FREM1: variants seen among roughly 807,000 people sequenced by gnomAD.
FREM1 encodes the protein FRAS1 related extracellular matrix 1, also known as FRAS1-related extracellular matrix protein 1.
A neutral mutation model predicts 210.1 loss-of-function variants in FREM1; 220 were observed. The observed-to-expected ratio is 1.05, with a 90% CI of 0.94 to 1.17. The LOEUF (loss-of-function observed/expected upper bound fraction) is 1.17. Among genes scored for constraint, FREM1 ranks in the 50% most tolerant of loss-of-function variants. The pLI, the probability that FREM1 is intolerant of heterozygous loss-of-function variation, is 0.00. For synonymous variants in FREM1, 1,189 were observed against 980.2 expected (o/e 1.21, Z -3.98); for missense variants, 3,454 against 2,675.5 (o/e 1.29, Z -6.42).
intron 23 of FREM1, among the ~76,000 whole-genome samples, chr9:14,786,946 G>C (rs942663395): frequency 1.7e-4 from 26 of 152,182 alleles, no homozygotes; most frequent in African/African-American, 5.8e-4. Context: ...AGGGGAGGAA[G>C]AGCAACCAGC....
intron 1 of FREM1, among the ~76,000 whole-genome samples, chr9:14,893,681 C>G (rs1335729054): frequency 1.3e-5 from 2 of 152,168 alleles, no homozygotes; most frequent in African/African-American, 4.8e-5. Context: ...GAAATAAAAA[C>G]AGTTTGACAT....
rs754502382 is a variant in FREM1 at position 14,848,688 on chromosome 9, G to A, written c.1238C>T (p.Ala413Val). Residue 413 changes from alanine to valine, a missense_variant, in exon 7 of 37, where the codon GCC becomes GTC. By Grantham distance (64) the Ala-to-Val change is moderately conservative. Transcript: ENST00000380880. ...HISIRTADTN[A>V]PRVSWNTGLS... Reference sequence around the variant, plus strand: ...ACCTGTATTCCAGGATACACGGGGGGCATTTGTATCTGCTGTTCTGATGGA... The same window carrying A: ...ACCTGTATTCCAGGATACACGGGGGACATTTGTATCTGCTGTTCTGATGGA... 25 of 1,607,718 alleles carry A rather than the reference G, an allele frequency of 1.6e-5. No individual in the cohort carries two copies. Among genetic ancestry groups the A allele is most frequent in the Non-Finnish European group, 2.0e-5 (23 of 1,174,608 alleles).
At chr9:14,789,748 A>G (rs1210539367) in intron 22 of FREM1, among the ~76,000 whole-genome samples, 1 of 152,254 alleles carries the variant, frequency 6.6e-6, no homozygotes, top group African/African-American at 2.4e-5. Flanking sequence ...AAGTAAGCCA[A>G]CATTATTTAA....
In FREM1 at chr9:14,775,921, C is replaced by G. The variant is rs777911053; in HGVS notation, c.4725G>C (p.Lys1575Asn). The part of the protein sequence containing the change: ...HNFTQQDVDS[K>N]NVAYRHSGGD... ...CTCCTGAGTGCCGATAGGCCACATT[C>G]TTGCTGTCCACATCCTGCTGGGTGA... Residue 1575 changes from lysine (K) to asparagine (N), a missense_variant, in exon 25 of 37, where the codon AAG becomes AAC. Physicochemically the swap from Lys to Asn is moderately conservative, Grantham distance 94. Transcript: ENST00000380880. 1 of 1,613,994 alleles carries G rather than the reference C, an allele frequency of 6.2e-7. No individual in the cohort carries two copies. The highest frequency in any genetic ancestry group is 2.2e-5 in the East Asian group (1 of 44,860).
At chr9:14,810,267 A>T (rs1260111257) in intron 16 of FREM1, among the ~76,000 whole-genome samples, 1 of 152,134 alleles carries the variant, frequency 6.6e-6, no homozygotes. Context: ...GGCAAATTGC[A>T]AATTGAGTAA....
At chr9:14,849,697 T>C (rs1827318936) in intron 6 of FREM1, among the ~76,000 whole-genome samples, 1 of 152,218 alleles carries the variant, frequency 6.6e-6, no homozygotes, top group Non-Finnish European at 1.5e-5. Flanking sequence ...ATGCATTCGG[T>C]TGGGCCCTGG....
At chr9:14,769,684 A>C in intron 27 of FREM1, 40 bp downstream of exon 27, 1 of 1,593,786 alleles carries the variant, frequency 6.3e-7, no homozygotes, top group Non-Finnish European at 8.6e-7. Context: ...TACATTATGG[A>C]TGTAACATAT....
chr9:14,738,271 A>G (rs1840760323), intron 36 of FREM1, among the ~76,000 whole-genome samples: 1 of 152,358 alleles, frequency 6.6e-6, no homozygotes, highest in South Asian at 2.1e-4. Flanking sequence ...GAAATAAAAA[A>G]GAATAAAATG....
chr9:14,817,564 G>T (rs1820529403), intron 14 of FREM1, among the ~76,000 whole-genome samples: 1 of 152,296 alleles, frequency 6.6e-6, no homozygotes, highest in African/African-American at 2.4e-5. Context: ...TTGCAGTGAT[G>T]CTTGGAAAGT....
chr9:14,823,212 T>C lies in FREM1; in HGVS notation c.2285A>G (p.His762Arg), dbSNP rs771087263. ...SVSNQHGGTLHGICFNITILP... is the reference protein window; with the variant it reads ...SVSNQHGGTLRGICFNITILP... ...GATTGTAATGTTAAAGCAGATCCCA[T>C]GCAAAGTACCGCCATGTTGGTTACT... is the stretch of plus-strand genomic sequence containing the variant. Residue 762 changes from histidine to arginine, a missense_variant, in exon 13 of 37, where the codon CAT becomes CGT. Transcript: ENST00000380880. The C allele has an allele frequency of 1.2e-6, 2 of 1,613,948 alleles. No individual in the cohort carries two copies. The highest frequency in any genetic ancestry group is 2.2e-5 in the East Asian group (1 of 44,870).
At chr9:14,843,542 CATAG>C in intron 8 of FREM1, among the ~76,000 whole-genome samples, 1 of 152,160 alleles carries the variant, frequency 6.6e-6, no homozygotes, top group East Asian at 1.9e-4. Flanking sequence ...TACATACATA[CATAG>C]ATAGACATTC....
At chr9:14,885,800 C>T (rs1010735499) in intron 1 of FREM1, among the ~76,000 whole-genome samples, 4 of 152,158 alleles carry the variant, frequency 2.6e-5, no homozygotes, top group Admixed American at 2.6e-4. Context: ...TGTGAAATAG[C>T]TAAATCAAAT....
chr9:14,834,661 GC>G (rs1439205188), intron 10 of FREM1, among the ~76,000 whole-genome samples: 1 of 152,036 alleles, frequency 6.6e-6, no homozygotes, highest in African/African-American at 2.4e-5. Flanking sequence ...GGTTCAGAGG[GC>G]CCCTGAAACA....
At chr9:14,745,639 T>C (rs1587658391) in intron 35 of FREM1, among the ~76,000 whole-genome samples, 1 of 152,224 alleles carries the variant, frequency 6.6e-6, no homozygotes, top group Admixed American at 6.5e-5. Flanking sequence ...CGAGATCAGA[T>C]CAATAATAAC....
chr9:14,878,615 C>T (rs1310654592), intron 1 of FREM1, among the ~76,000 whole-genome samples: 3 of 152,156 alleles, frequency 2.0e-5, no homozygotes, highest in African/African-American at 7.2e-5. Flanking sequence ...TTCACCATTA[C>T]TTTCAATGGC....
intron 29 of FREM1, among the ~76,000 whole-genome samples, chr9:14,751,291 G>A (rs944398011): frequency 6.6e-6 from 1 of 152,166 alleles, no homozygotes; most frequent in African/African-American, 2.4e-5. Flanking sequence ...CTATTTGAGT[G>A]CTTTTACTCC....
rs79215121 is a variant in FREM1, at chr9:14,807,784, G to A, written c.3088+156C>T. ...TTTGCCCCATAATCTTAACAGATTT[G>A]GGTTTTCCACAAAATTTGTGTTGAG... On this transcript the variant is annotated intron_variant, in intron 17 of 36. Coordinates refer to ENST00000380880, the MANE Select transcript of FREM1 (RefSeq NM_001379081.2). 0.018 allele frequency among the ~76,000 whole-genome samples: 2,725 copies of A among 152,082 alleles called. 77 individuals carry two copies. The highest frequency in any genetic ancestry group is 0.063 in the African/African-American group (2,620 of 41,470).
intron 18 of FREM1, among the ~76,000 whole-genome samples, chr9:14,805,926 C>T (rs1018443240): frequency 1.3e-4 from 20 of 152,280 alleles, no homozygotes; most frequent in African/African-American, 4.6e-4. Flanking sequence ...ACATTTCAGG[C>T]TTTCTCTCTG....
At position 14,860,894 on chromosome 9, in the gene FREM1, CAT is replaced by C. The variant is rs1239214145; in HGVS notation, c.330-1412_330-1411del. On this transcript the variant is annotated intron_variant, in intron 3 of 36. Transcript: ENST00000380880. The stretch of plus-strand genomic sequence containing the variant: ...ATATACGTATATATACACATATATA[CAT>C]ATATACACATATACACATATACACA... 6.4e-5 allele frequency among the ~76,000 whole-genome samples: 4 copies of C among 62,320 alleles called. 1 individual carries two copies. Among genetic ancestry groups the C allele is most frequent in the Admixed American group, 5.3e-4 (3 of 5,706 alleles). 40.9% of individuals were successfully genotyped at this position (62,320 alleles called of 152,430 possible).
Sources: allele counts gnomAD v4.1 joint callset (sites outside exome capture counted in the v4.1 genomes callset), GRCh38; gene constraint gnomAD v4.1.1; transcripts MANE v1.5; gene names NCBI Gene and HGNC (gene_info 2026-07-23, HGNC 2026-07-21).